The following EFL1 variants were observed in gnomAD, a reference collection of about 807,000 sequenced individuals.
The protein encoded by EFL1 is elongation factor like GTPase 1, also known as elongation factor-like GTPase 1.
In EFL1, 76 loss-of-function variants were observed where a neutral mutation model predicts 126.7. The ratio of observed to expected loss-of-function variants is 0.60; its 90% CI spans 0.50 to 0.73. EFL1 has a LOEUF of 0.73. Ranked by LOEUF, EFL1 falls within the 30% of genes least tolerant of loss-of-function variation. EFL1 has a pLI of 0.00. For missense variants in EFL1, 1,128 were observed against 1,343.2 expected, an observed-to-expected ratio of 0.84 and a Z score of 2.50; for synonymous variants, 410 against 448.4, an observed-to-expected ratio of 0.91 and a Z score of 1.08.
chr15:82,262,629 C>T lies in EFL1; in HGVS notation c.-35G>A, dbSNP rs2075139238. On this transcript the variant is annotated 5_prime_UTR_variant, in exon 1 of 20. Coordinates refer to ENST00000268206, the MANE Select transcript of EFL1 (RefSeq NM_024580.6). ...CCACACTCACCGGCTGCAGCAGCCC[C>T]ACCAGCCCCGCTCCTTCTCTCGGGT... is the stretch of plus-strand genomic sequence containing the variant. The T allele has an allele frequency of 2.9e-5, 13 of 445,032 alleles. No individual in the cohort carries two copies. In the South Asian group the frequency reaches 3.0e-4, roughly 10 times the overall value. The allele number at this position is 445,032 out of a possible 1,614,324, so 27.6% of individuals were successfully genotyped here.
intron 4 of EFL1, among the ~76,000 whole-genome samples, chr15:82,243,885 TA>T (rs1567077241): frequency 6.6e-6 from 1 of 152,086 alleles, no homozygotes; most frequent in Non-Finnish European, 1.5e-5. Context: ...ATCTACATCC[TA>T]AAAAATAAGT....
At chr15:82,216,186 T>C (rs1258557169) in intron 14 of EFL1, among the ~76,000 whole-genome samples, 2 of 152,192 alleles carry the variant, frequency 1.3e-5, no homozygotes, top group Non-Finnish European at 2.9e-5. Context: ...CAAAACTCTT[T>C]ATAAATAAAA....
chr15:82,192,320 A>G (rs2074367796), intron 15 of EFL1, among the ~76,000 whole-genome samples: 1 of 151,858 alleles, frequency 6.6e-6, no homozygotes, highest in Non-Finnish European at 1.5e-5. Flanking sequence ...GAATTGCTTG[A>G]ACCCGGGAGG....
At chr15:82,249,066 A>G (rs1304841911) in intron 4 of EFL1, among the ~76,000 whole-genome samples, 3 of 152,022 alleles carry the variant, frequency 2.0e-5, no homozygotes, top group African/African-American at 7.3e-5. Context: ...ATATAAAATA[A>G]CTGGTGATGA....
chr15:82,247,013 T>A (rs1455983370), intron 4 of EFL1, among the ~76,000 whole-genome samples: 1 of 152,086 alleles, frequency 6.6e-6, no homozygotes, highest in Non-Finnish European at 1.5e-5. Context: ...GGGAAAAATA[T>A]GACAGAAGGT....
chr15:82,240,779 G>A (rs2074922910), intron 5 of EFL1, among the ~76,000 whole-genome samples: 1 of 152,212 alleles, frequency 6.6e-6, no homozygotes, highest in Non-Finnish European at 1.5e-5. Flanking sequence ...GGCCGGGCAT[G>A]GTGGGTCACA....
Position 82,230,832 on chromosome 15 carries a change from A to T in EFL1, c.855+16T>A, listed in dbSNP as rs746835992. On this transcript the variant is annotated intron_variant, in intron 8 of 19. Coordinates refer to ENST00000268206, the MANE Select transcript of EFL1 (RefSeq NM_024580.6). ...AGAATATGACCAACAACCAAAAGGG[A>T]CATATACCACATTACCTGATCACCC... The T allele has an allele frequency of 2.5e-6, 4 of 1,601,602 alleles. No individual in the cohort carries two copies. The highest frequency in any genetic ancestry group is 3.4e-6 in the Non-Finnish European group (4 of 1,175,298).
intron 18 of EFL1, among the ~76,000 whole-genome samples, chr15:82,144,318 T>G (rs2073820213): frequency 6.7e-6 from 1 of 149,470 alleles, no homozygotes; most frequent in South Asian, 2.1e-4. Context: ...CAACTAGAAA[T>G]GAGTTTACTT....
At chr15:82,184,096 T>A (rs1399594524) in intron 15 of EFL1, among the ~76,000 whole-genome samples, 2 of 152,236 alleles carry the variant, frequency 1.3e-5, no homozygotes, top group African/African-American at 4.8e-5. Flanking sequence ...GTCACTATAA[T>A]CAGTGGTTAA....
At chr15:82,232,108 C>G (rs1386321782) in intron 7 of EFL1, among the ~76,000 whole-genome samples, 1 of 152,170 alleles carries the variant, frequency 6.6e-6, no homozygotes, top group Non-Finnish European at 1.5e-5. Context: ...ACAGGCAGGT[C>G]CAAGGTCCAC....
At chr15:82,167,677 G>A (rs2074093825) in intron 15 of EFL1, among the ~76,000 whole-genome samples, 1 of 152,142 alleles carries the variant, frequency 6.6e-6, no homozygotes, top group Non-Finnish European at 1.5e-5. Context: ...AAAACCATTA[G>A]TGAATACTAA....
intron 17 of EFL1, among the ~76,000 whole-genome samples, chr15:82,154,406 G>C (rs572358229): frequency 1.3e-5 from 2 of 152,300 alleles, no homozygotes; most frequent in African/African-American, 4.8e-5. Flanking sequence ...GATGTGTGTA[G>C]AAGTTGAAAA....
chr15:82,183,259 T>C (rs2074270950), intron 15 of EFL1, among the ~76,000 whole-genome samples: 1 of 152,260 alleles, frequency 6.6e-6, no homozygotes, highest in South Asian at 2.1e-4. Flanking sequence ...CTTTGTGTTC[T>C]TGAGTAACTC....
At chr15:82,208,286 A>G (rs1595983655) in intron 15 of EFL1, among the ~76,000 whole-genome samples, 1 of 152,196 alleles carries the variant, frequency 6.6e-6, no homozygotes, top group East Asian at 1.9e-4. Flanking sequence ...TTTTGAAGAA[A>G]AGGTAATTCT....
In EFL1 at chr15:82,151,834, G is replaced by A; in HGVS notation, c.2620C>T (p.Gln874Ter). The A allele has an allele frequency of 1.9e-6, 3 of 1,614,092 alleles. No homozygotes were observed. Among genetic ancestry groups the A allele is most frequent in the Non-Finnish European group, 2.5e-6 (3 of 1,180,024 alleles). The change falls in exon 18 of 20, where the codon CAA becomes TAA. Residue 874 changes from glutamine (Q) to a stop codon, truncating the protein, a stop_gained. Coordinates refer to ENST00000268206, the MANE Select transcript of EFL1 (RefSeq NM_024580.6). LOFTEE classifies it high-confidence loss of function. ...DLGNSIVSGF[Q>*]LATLSGPMCE... The stretch of plus-strand genomic sequence containing the variant: ...ATGGGGCCAGAGAGGGTTGCTAGTT[G>A]GAAGCCACTCACAATGCTATTGCCC...
At chr15:82,174,983 T>C (rs1206132964) in intron 15 of EFL1, among the ~76,000 whole-genome samples, 4 of 152,248 alleles carry the variant, frequency 2.6e-5, no homozygotes, top group Non-Finnish European at 1.5e-5. Flanking sequence ...ATGTCATATG[T>C]CTTCTGTGCT....
chr15:82,247,114 G>C (rs1465330155), intron 4 of EFL1, among the ~76,000 whole-genome samples: 2 of 152,076 alleles, frequency 1.3e-5, no homozygotes, highest in Non-Finnish European at 2.9e-5. Context: ...GAAGAAAGAG[G>C]CTGTGGGGAG....
intron 15 of EFL1, among the ~76,000 whole-genome samples, chr15:82,185,847 A>C (rs1402347966): frequency 6.6e-6 from 1 of 152,192 alleles, no homozygotes; most frequent in Non-Finnish European, 1.5e-5. Context: ...GCATATGGAA[A>C]TTAATTAGCC....
chr15:82,190,602 G>A (rs1013129956), intron 15 of EFL1, among the ~76,000 whole-genome samples: 2 of 152,074 alleles, frequency 1.3e-5, no homozygotes, highest in African/African-American at 4.8e-5. Flanking sequence ...ATAGATTTTA[G>A]TTTTATTATA....
Sources: allele counts gnomAD v4.1 joint callset (sites outside exome capture counted in the v4.1 genomes callset), GRCh38; gene constraint gnomAD v4.1.1; transcripts MANE v1.5; gene names NCBI Gene and HGNC (gene_info 2026-07-23, HGNC 2026-07-21).